Variants in SPTLC3 observed in about 807,000 individuals in gnomAD.
The protein encoded by SPTLC3 is serine palmitoyltransferase long chain base subunit 3.
In SPTLC3, 36 loss-of-function variants were observed where a neutral mutation model predicts 59.3. The observed-to-expected ratio is 0.61, with a 90% CI of 0.47 to 0.80. The LOEUF (loss-of-function observed/expected upper bound fraction) is 0.80, where lower values mean the gene tolerates loss of function less well. SPTLC3 is among the 30% of genes least tolerant of loss of function. The pLI, the probability that SPTLC3 is intolerant of heterozygous loss-of-function variation, is 0.00. For missense variants in SPTLC3, 625 were observed against 685.1 expected (o/e 0.91, Z 0.98); for synonymous variants, 257 against 240.8 (o/e 1.07, Z -0.62).
intron 6 of SPTLC3, among the ~76,000 whole-genome samples, chr20:13,107,846 C>T (rs1989991793): frequency 6.6e-6 from 1 of 150,528 alleles, no homozygotes; most frequent in East Asian, 1.9e-4. Flanking sequence ...AGGTAGCATA[C>T]TATATCTAAT....
At chr20:13,011,225 T>C (rs1985226722) in intron 1 of SPTLC3, among the ~76,000 whole-genome samples, 1 of 152,196 alleles carries the variant, frequency 6.6e-6, no homozygotes, top group Non-Finnish European at 1.5e-5. Flanking sequence ...AAGTTGTCTT[T>C]ACTCTCAAGT....
chr20:13,113,020 TAA>T (rs1990327070), intron 7 of SPTLC3, among the ~76,000 whole-genome samples: 1 of 151,986 alleles, frequency 6.6e-6, no homozygotes, highest in Non-Finnish European at 1.5e-5. Context: ...CCACCTCTAC[TAA>T]AAAGACAAAA....
At chr20:13,079,482 AACCACC>A (rs1229772815) in intron 4 of SPTLC3, among the ~76,000 whole-genome samples, 2 of 152,042 alleles carry the variant, frequency 1.3e-5, no homozygotes, top group Non-Finnish European at 2.9e-5. Context: ...AAAAAACAAA[AACCACC>A]ACCACCACCA....
chr20:13,153,153 A>G (rs1331744840), intron 9 of SPTLC3, among the ~76,000 whole-genome samples: 2 of 152,342 alleles, frequency 1.3e-5, no homozygotes, highest in East Asian at 1.9e-4. Flanking sequence ...AGCAAACACT[A>G]TCTAGCTTTG....
chr20:13,119,292 T>C (rs1990768212), intron 8 of SPTLC3, among the ~76,000 whole-genome samples: 2 of 152,202 alleles, frequency 1.3e-5, no homozygotes, highest in Admixed American at 1.3e-4. Flanking sequence ...TCAAATTTGG[T>C]GGATGTCACA....
chr20:13,021,567 C>T (rs1985887851), intron 1 of SPTLC3, among the ~76,000 whole-genome samples: 1 of 148,554 alleles, frequency 6.7e-6, no homozygotes, highest in Non-Finnish European at 1.5e-5. Context: ...CCCCCGCCAC[C>T]ATCCCCACCT....
intron 2 of SPTLC3, among the ~76,000 whole-genome samples, chr20:13,069,751 AG>A (rs1988370511): frequency 1.3e-5 from 2 of 152,206 alleles, no homozygotes; most frequent in African/African-American, 4.8e-5. Flanking sequence ...TGCATCTTGT[AG>A]TTCCAAATCT....
chr20:13,036,848 C>T (rs1375867248), intron 1 of SPTLC3, among the ~76,000 whole-genome samples: 4 of 152,072 alleles, frequency 2.6e-5, no homozygotes, highest in Non-Finnish European at 4.4e-5. Flanking sequence ...ATTTTTGTTA[C>T]TCTGATGGGA....
intron 2 of SPTLC3, among the ~76,000 whole-genome samples, chr20:13,066,159 T>C (rs1988201516): frequency 6.6e-6 from 1 of 152,286 alleles, no homozygotes; most frequent in Admixed American, 6.5e-5. Context: ...TGAGATCATA[T>C]GCAGTAGTGT....
chr20:13,086,730 T>C (rs3895211), intron 4 of SPTLC3, among the ~76,000 whole-genome samples: 2,282 of 152,312 alleles, frequency 0.015, 27 homozygotes, highest in Non-Finnish European at 0.022. Context: ...AGACCTCAGA[T>C]GGACACCTAC....
intron 3 of SPTLC3, 86 bp downstream of exon 3, chr20:13,072,496 A>T: frequency 1.5e-6 from 2 of 1,371,146 alleles, no homozygotes; most frequent in Non-Finnish European, 2.0e-6. Context: ...AAATCCAAAA[A>T]AACAAGGCAT....
intron 10 of SPTLC3, among the ~76,000 whole-genome samples, chr20:13,155,555 G>T (rs1314671422): frequency 1.3e-5 from 2 of 151,996 alleles, no homozygotes; most frequent in Non-Finnish European, 2.9e-5. Flanking sequence ...GGCTGGGCGC[G>T]GTGGCTCATG....
chr20:13,092,964 C>T (rs1454910457), intron 5 of SPTLC3, among the ~76,000 whole-genome samples: 2 of 152,160 alleles, frequency 1.3e-5, no homozygotes, highest in Non-Finnish European at 2.9e-5. Context: ...ATCCATACTT[C>T]TCCAAATTCA....
intron 9 of SPTLC3, among the ~76,000 whole-genome samples, chr20:13,146,317 C>T (rs905833887): frequency 6.6e-6 from 1 of 151,992 alleles, no homozygotes; most frequent in African/African-American, 2.4e-5. Context: ...GAAGAGAGAA[C>T]TATTGTACTG....
intron 2 of SPTLC3, among the ~76,000 whole-genome samples, chr20:13,056,656 C>G (rs1227179743): frequency 1.3e-5 from 2 of 151,582 alleles, no homozygotes; most frequent in Non-Finnish European, 2.9e-5. Context: ...TGCCATGTTG[C>G]CTAGGCTGGT....
At chr20:13,022,985 G>C (rs142741442) in intron 1 of SPTLC3, among the ~76,000 whole-genome samples, 166 of 152,224 alleles carry the variant, frequency 1.1e-3, no homozygotes, top group African/African-American at 3.7e-3. Flanking sequence ...TCTAACCCCA[G>C]ATGCTGCACA....
intron 1 of SPTLC3, among the ~76,000 whole-genome samples, chr20:13,010,292 C>A (rs1444127955): frequency 1.3e-5 from 2 of 152,128 alleles, no homozygotes; most frequent in African/African-American, 4.8e-5. Context: ...AGAAGTGGCA[C>A]AGGGAGCCCC....
intron 6 of SPTLC3, among the ~76,000 whole-genome samples, chr20:13,102,910 C>A (rs1452877294): frequency 6.6e-6 from 1 of 152,158 alleles, no homozygotes; most frequent in South Asian, 2.1e-4. Flanking sequence ...GCTGCAATTA[C>A]CCCCTCCCCC....
chr20:13,163,995 C>G (rs1175706966), intron 11 of SPTLC3, among the ~76,000 whole-genome samples: 1 of 152,182 alleles, frequency 6.6e-6, no homozygotes, highest in East Asian at 1.9e-4. Flanking sequence ...TGTTGGTGTG[C>G]TGCACCCATT....
Sources: gnomAD v4.1 joint callset for allele counts (sites outside exome capture counted in the v4.1 genomes callset) on GRCh38, gnomAD v4.1.1 for gene constraint, MANE v1.5 for transcripts, NCBI Gene and HGNC (gene_info 2026-07-23, HGNC 2026-07-21) for gene names.